CR1: variants seen among roughly 807,000 people sequenced by gnomAD.
CR1 encodes the protein complement C3b/C4b receptor 1 (Knops blood group), also known as complement receptor type 1.
CR1 carries 116 observed loss-of-function variants against 187.3 expected under a neutral mutation model. The ratio of observed to expected loss-of-function variants is 0.62; its 90% CI spans 0.53 to 0.72. The LOEUF is 0.72. CR1 is among the 30% of genes least tolerant of loss of function. The pLI is 0.00. For missense variants in CR1, 1,731 were observed against 2,110.7 expected, an observed-to-expected ratio of 0.82 and a Z score of 3.52; for synonymous variants, 576 against 747.1, an observed-to-expected ratio of 0.77 and a Z score of 3.73.
At chr1:207,525,096 TGGAACAAG>T (rs1343133817) in intron 5 of CR1, among the ~76,000 whole-genome samples, 1 of 151,860 alleles carries the variant, frequency 6.6e-6, no homozygotes, top group Admixed American at 6.6e-5. Context: ...CTACACACTT[TGGAACAAG>T]CAGATCTCGA....
At position 207,616,948 on chromosome 1, in the gene CR1, A is replaced by G. The variant is rs146938417; in HGVS notation, c.6889+146A>G. ...AGAACTACCTCCCAAGTGAATGACA[A>G]ACGGGTTATAGATAGGCACGCTGTC... On this transcript the variant is annotated intron_variant, in intron 41 of 46. Transcript: ENST00000367049. 9.8e-4 allele frequency: 1,188 copies of G among 1,215,674 alleles called. 9 individuals are homozygous for G. In the African/African-American group the frequency reaches 0.016, roughly 16 times the overall value. 75.3% of individuals were successfully genotyped at this position (1,215,674 alleles called of 1,614,324 possible).
At chr1:207,574,129 C>T (rs1210183045) in intron 27 of CR1, among the ~76,000 whole-genome samples, 1 of 151,902 alleles carries the variant, frequency 6.6e-6, no homozygotes, top group African/African-American at 2.4e-5. Flanking sequence ...GAGACCCTGT[C>T]TCAAAAAAGG....
chr1:207,581,129 T>C (rs187205584), intron 31 of CR1, among the ~76,000 whole-genome samples: 25 of 152,248 alleles, frequency 1.6e-4, no homozygotes, highest in Middle Eastern at 3.4e-3. Context: ...TACATACGTA[T>C]ACATATGGAC....
rs1660911649 is a variant in CR1 at position 207,580,760 on chromosome 1, G to GCTTTAAAATAAA, written c.5216+147_5216+148insCTTTAAAATAAA. 6.6e-6 allele frequency: 5 copies of GCTTTAAAATAAA among 758,972 alleles called. No homozygotes were observed. The South Asian group carries it at 9.5e-5, about 14-fold the overall frequency. 47.0% of individuals were successfully genotyped at this position (758,972 alleles called of 1,614,324 possible). On this transcript the variant is annotated intron_variant, in intron 31 of 46. Coordinates refer to ENST00000367049, the MANE Select transcript of CR1 (RefSeq NM_000651.6). ...GAAGTGTAGCTTTAAAATAAAGGTAGGGACTAAGTGGCACTACTATCAGGA... is the reference window on the plus strand; with the variant it reads ...GAAGTGTAGCTTTAAAATAAAGGTAGCTTTAAAATAAAGGACTAAGTGGCACTACTATCAGGA...
rs1466306061 is a variant in CR1, at chr1:207,628,995, TCACTAGTTAAA to T, written c.7353-1521_7353-1511del. ...GATTTAATCTCACTGCCTTGTTATT[TCACTAGTTAAA>T]AATATGCGCCTGCACGTTTTGATAT... On this transcript the variant is annotated intron_variant, in intron 45 of 46. Coordinates refer to ENST00000367049, the MANE Select transcript of CR1 (RefSeq NM_000651.6). Among the ~76,000 whole-genome samples the T allele has an allele frequency of 1.5e-4, 23 of 152,350 alleles. No individual in the cohort carries two copies. The East Asian group carries it at 3.7e-3, about 24-fold the overall frequency.
rs1660905008 is a variant in CR1, at chr1:207,580,584, G to A, written c.5187G>A (p.Gly1729=). ...RVLFPLNLQL[G]AKVSFVCDEG... is the part of the protein sequence containing the mutation. ...TATTTCCACTTAATCTCCAGCTTGG[G>A]GCAAAGGTGTCCTTTGTCTGTGATG... The change falls in exon 31 of 47, where the codon GGG becomes GGA. Residue 1729 remains glycine, a synonymous_variant. Coordinates refer to ENST00000367049, the MANE Select transcript of CR1 (RefSeq NM_000651.6). 3.1e-6 allele frequency: 5 copies of A among 1,613,334 alleles called. No individual in the cohort carries two copies. Among genetic ancestry groups the A allele is most frequent in the South Asian group, 1.1e-5 (1 of 91,052 alleles).
chr1:207,519,759 G>A (rs1332414332), intron 4 of CR1, among the ~76,000 whole-genome samples: 1 of 152,174 alleles, frequency 6.6e-6, no homozygotes, highest in Non-Finnish European at 1.5e-5. Context: ...GGGGGAAGAG[G>A]ATTTACCGAC....
intron 1 of CR1, among the ~76,000 whole-genome samples, chr1:207,504,053 A>G (rs1398090527): frequency 6.6e-6 from 1 of 152,246 alleles, no homozygotes; most frequent in Non-Finnish European, 1.5e-5. Flanking sequence ...TTACAACCAC[A>G]GTGCATGCTA....
intron 27 of CR1, among the ~76,000 whole-genome samples, chr1:207,574,678 G>T (rs1051847025): frequency 2.0e-5 from 3 of 152,134 alleles, no homozygotes; most frequent in Admixed American, 6.5e-5. Context: ...GCAAGAAAAG[G>T]TAGGCTAAAC....
intron 3 of CR1, among the ~76,000 whole-genome samples, chr1:207,508,564 AC>A (rs774155221): frequency 3.9e-5 from 6 of 152,252 alleles, no homozygotes; most frequent in Non-Finnish European, 5.9e-5. Flanking sequence ...GGAAATTTGA[AC>A]AAAATCTGTG....
At chr1:207,607,477 C>T in intron 36 of CR1, 141 bp downstream of exon 36, 1 of 643,120 alleles carries the variant, frequency 1.6e-6, no homozygotes. Flanking sequence ...TCATGGTCTT[C>T]CTGGCTTTTC....
intron 35 of CR1, chr1:207,606,458 CA>C (rs1661753461): frequency 6.6e-6 from 1 of 152,194 alleles, no homozygotes; most frequent in Admixed American, 6.5e-5. Flanking sequence ...GCCCTGATCA[CA>C]TTTCTTACAT....
In CR1 at chr1:207,496,994, G is replaced by C. The variant is rs912235331; in HGVS notation, c.121+606G>C. ...AATGGTGTTTAGACAAGCAGTCCTA[G>C]GGATGCAGGTGTTACCTGACAACTG... On this transcript the variant is annotated intron_variant, in intron 1 of 46. Transcript: ENST00000367049. 4.3e-4 allele frequency among the ~76,000 whole-genome samples: 65 copies of C among 152,136 alleles called. 1 individual carries two copies. The highest frequency in any genetic ancestry group is 1.5e-3 in the African/African-American group (63 of 41,420).
chr1:207,504,928 T>A (rs745661260), intron 1 of CR1, among the ~76,000 whole-genome samples: 3 of 152,138 alleles, frequency 2.0e-5, no homozygotes, highest in Non-Finnish European at 2.9e-5. Context: ...GTCAGATTAG[T>A]GGCAGCATTA....
chr1:207,566,054 A>T, intron 24 of CR1, 131 bp downstream of exon 24: 2 of 1,281,114 alleles, frequency 1.6e-6, no homozygotes, highest in Non-Finnish European at 2.2e-6. Flanking sequence ...GTTTATTTTA[A>T]TAATGTTTGG....
At chr1:207,587,914 G>T (rs1480242146) in intron 34 of CR1, among the ~76,000 whole-genome samples, 1 of 152,218 alleles carries the variant, frequency 6.6e-6, no homozygotes, top group Non-Finnish European at 1.5e-5. Context: ...CATGAGAATG[G>T]CTCTCACAAA....
chr1:207,499,996 T>C (rs1659216892), intron 1 of CR1, among the ~76,000 whole-genome samples: 1 of 152,182 alleles, frequency 6.6e-6, no homozygotes. Flanking sequence ...CAAAGACACA[T>C]GTATACACAT....
At chr1:207,611,184 G>A (rs1376849757) in intron 37 of CR1, among the ~76,000 whole-genome samples, 1 of 152,120 alleles carries the variant, frequency 6.6e-6, no homozygotes, top group African/African-American at 2.4e-5. Context: ...ACTGGTCACA[G>A]GGACAGAAAG....
intron 3 of CR1, among the ~76,000 whole-genome samples, chr1:207,510,516 C>T (rs1243973404): frequency 6.6e-6 from 1 of 152,212 alleles, no homozygotes; most frequent in Non-Finnish European, 1.5e-5. Flanking sequence ...CCTACCCTCA[C>T]TATGACTAGT....
Sources: gnomAD v4.1 joint callset for allele counts (sites outside exome capture counted in the v4.1 genomes callset) on GRCh38, gnomAD v4.1.1 for gene constraint, MANE v1.5 for transcripts, NCBI Gene and HGNC (gene_info 2026-07-23, HGNC 2026-07-21) for gene names.